Variants in SYT1 observed in about 807,000 individuals in gnomAD.
SYT1 encodes synaptotagmin-1.
A neutral mutation model predicts 44.8 loss-of-function variants in SYT1; 8 were observed. The observed-to-expected ratio is 0.18, with a 90% CI of 0.10 to 0.32. The LOEUF is 0.32. Ranked by LOEUF, SYT1 falls within the 10% of genes least tolerant of loss-of-function variation. SYT1 has a pLI of 1.00. For missense variants in SYT1, 286 were observed against 509.3 expected (o/e 0.56, Z 4.22); for synonymous variants, 154 against 188.8 (o/e 0.82, Z 1.51).
intron 2 of SYT1, among the ~76,000 whole-genome samples, chr12:78,995,388 G>A (rs1483661487): frequency 6.6e-6 from 1 of 152,090 alleles, no homozygotes; most frequent in Non-Finnish European, 1.5e-5. Context: ...GATCTCAATA[G>A]GGGTGAGAAA....
intron 3 of SYT1, among the ~76,000 whole-genome samples, chr12:79,049,774 A>G (rs919064288): frequency 1.3e-5 from 2 of 151,998 alleles, no homozygotes; most frequent in African/African-American, 2.4e-5. Context: ...GCTTTTTAGC[A>G]CAGGAAAGCT....
chr12:79,362,600 C>A (rs1471209888), intron 9 of SYT1, among the ~76,000 whole-genome samples: 2 of 152,032 alleles, frequency 1.3e-5, no homozygotes, highest in African/African-American at 4.8e-5. Context: ...AGGAAAGCAG[C>A]TACAATAAAG....
At chr12:79,266,156 CTT>C (rs944978196) in intron 4 of SYT1, among the ~76,000 whole-genome samples, 14 of 152,138 alleles carry the variant, frequency 9.2e-5, no homozygotes, top group African/African-American at 3.4e-4. Context: ...TTTCTAAAGA[CTT>C]AGCATGTACT....
At chr12:79,181,305 A>G (rs1872527417) in intron 3 of SYT1, among the ~76,000 whole-genome samples, 1 of 152,146 alleles carries the variant, frequency 6.6e-6, no homozygotes, top group Non-Finnish European at 1.5e-5. Context: ...AATTAAAAAT[A>G]TTAAATAAAA....
intron 4 of SYT1, among the ~76,000 whole-genome samples, chr12:79,248,254 G>C (rs1876969860): frequency 6.6e-6 from 1 of 152,120 alleles, no homozygotes; most frequent in African/African-American, 2.4e-5. Context: ...TAGTAAGTGA[G>C]ATGAATGAGA....
At chr12:79,401,578 T>C (rs1193580825) in intron 9 of SYT1, among the ~76,000 whole-genome samples, 1 of 152,202 alleles carries the variant, frequency 6.6e-6, no homozygotes, top group African/African-American at 2.4e-5. Context: ...AGAAAGAATT[T>C]TACTTTTCAG....
chr12:79,182,990 A>G (rs1393651361), intron 3 of SYT1, among the ~76,000 whole-genome samples: 2 of 152,124 alleles, frequency 1.3e-5, no homozygotes, highest in African/African-American at 4.8e-5. Context: ...AATCGTTCAG[A>G]GTAAGAACCA....
chr12:79,346,317 A>T (rs1011366396), intron 8 of SYT1, among the ~76,000 whole-genome samples: 5 of 152,120 alleles, frequency 3.3e-5, no homozygotes, highest in Non-Finnish European at 7.4e-5. Context: ...CAATGGCTGC[A>T]TTTTTTTAAA....
At chr12:79,229,230 A>AGCTGTTTCCTT (rs1875714337) in intron 4 of SYT1, among the ~76,000 whole-genome samples, 1 of 152,190 alleles carries the variant, frequency 6.6e-6, no homozygotes, top group Admixed American at 6.5e-5. Flanking sequence ...GTTTCCTTTG[A>AGCTGTTTCCTT]GACTAGGTTA....
intron 3 of SYT1, among the ~76,000 whole-genome samples, chr12:79,115,938 C>T (rs545399743): frequency 2.4e-4 from 37 of 152,278 alleles, no homozygotes; most frequent in African/African-American, 8.7e-4. Context: ...TTCTCACTTC[C>T]CCACACCCTG....
intron 1 of SYT1, among the ~76,000 whole-genome samples, chr12:78,870,040 G>A (rs918065517): frequency 5.9e-5 from 9 of 152,088 alleles, no homozygotes; most frequent in Admixed American, 2.0e-4. Context: ...ATTTCTAGCT[G>A]TTTGTACAAA....
intron 2 of SYT1, among the ~76,000 whole-genome samples, chr12:79,010,823 A>G (rs1283795575): frequency 6.6e-6 from 1 of 152,148 alleles, no homozygotes; most frequent in Non-Finnish European, 1.5e-5. Flanking sequence ...TTATGAAGAC[A>G]ATTTTCTTCT....
At chr12:79,196,057 A>C (rs146310563) in intron 3 of SYT1, among the ~76,000 whole-genome samples, 13 of 152,182 alleles carry the variant, frequency 8.5e-5, no homozygotes, top group Non-Finnish European at 1.9e-4. Context: ...TATAGTTGCG[A>C]ACAGACATCT....
rs1280895720 is a variant in SYT1 at position 79,451,984 on chromosome 12, A to G, written c.*2860A>G. On this transcript the variant is annotated 3_prime_UTR_variant, in exon 11 of 11. Transcript: ENST00000261205. The stretch of plus-strand genomic sequence containing the variant: ...ACTTAACATATTACACAGATATTCA[A>G]TAAAAATGTTTTATTTCCTGTTGAT... 2 of 152,178 alleles carry G rather than the reference A, an allele frequency of 1.3e-5. No individual in the cohort carries two copies. Among genetic ancestry groups the G allele is most frequent in the African/African-American group, 2.4e-5 (1 of 41,438 alleles). The allele number at this position is 152,178 out of a possible 1,614,324, so 9.4% of individuals were successfully genotyped here. A position where few individuals can be genotyped will look rare whatever the true frequency, so the allele number is the denominator to read the frequency against.
At chr12:79,035,143 TA>T (rs1394039538) in intron 2 of SYT1, among the ~76,000 whole-genome samples, 1 of 151,650 alleles carries the variant, frequency 6.6e-6, no homozygotes, top group Non-Finnish European at 1.5e-5. Context: ...CTCAGAACTA[TA>T]AAAATCTCAC....
chr12:79,026,664 A>ATTTT (rs1309697584), intron 2 of SYT1, among the ~76,000 whole-genome samples: 12 of 83,018 alleles, frequency 1.4e-4, no homozygotes, highest in Non-Finnish European at 1.8e-4. Context: ...ATACATATAT[A>ATTTT]TTTTATATAT....
chr12:79,041,692 T>C (rs1873589785), intron 2 of SYT1, among the ~76,000 whole-genome samples: 1 of 152,020 alleles, frequency 6.6e-6, no homozygotes, highest in Non-Finnish European at 1.5e-5. Flanking sequence ...AGGGCATCCC[T>C]GTCTTGTGCC....
intron 3 of SYT1, among the ~76,000 whole-genome samples, chr12:79,136,613 A>C (rs529093719): frequency 2.6e-5 from 4 of 152,220 alleles, no homozygotes; most frequent in Non-Finnish European, 5.9e-5. Flanking sequence ...GTAATTATTA[A>C]TAAAAATGAC....
intron 1 of SYT1, among the ~76,000 whole-genome samples, chr12:78,900,784 G>T (rs539604206): frequency 4.6e-4 from 70 of 152,162 alleles, no homozygotes; most frequent in African/African-American, 1.5e-3. Context: ...CTTTTATGTG[G>T]AACAATAGCT....
Sources: allele counts gnomAD v4.1 joint callset (sites outside exome capture counted in the v4.1 genomes callset), GRCh38; gene constraint gnomAD v4.1.1; transcripts MANE v1.5; gene names NCBI Gene and HGNC (gene_info 2026-07-23, HGNC 2026-07-21).